MICAL3: variants seen among roughly 807,000 people sequenced by gnomAD.
The protein encoded by MICAL3 is microtubule associated monooxygenase, calponin and LIM domain containing 3, also known as [F-actin]-monooxygenase MICAL3.
MICAL3 carries 62 observed loss-of-function variants against 207.4 expected under a neutral mutation model. The observed-to-expected ratio is 0.30, with a 90% CI of 0.24 to 0.37. MICAL3 has a LOEUF of 0.37. MICAL3 is among the 10% of genes least tolerant of loss of function. MICAL3 has a pLI of 1.00. For missense variants in MICAL3, 2,368 were observed against 2,635.6 expected, an observed-to-expected ratio of 0.90 and a Z score of 2.22; for synonymous variants, 1,077 against 1,069.3, an observed-to-expected ratio of 1.01 and a Z score of -0.14.
chr22:17,866,128 C>T, intron 17 of MICAL3, 116 bp from the exon 18 acceptor site: 1 of 765,180 alleles, frequency 1.3e-6, no homozygotes, highest in South Asian at 1.5e-5. Flanking sequence ...GCCATCAAGC[C>T]ACCCAGCCTT....
intron 16 of MICAL3, among the ~76,000 whole-genome samples, chr22:17,877,762 T>G (rs543895488): frequency 2.6e-5 from 4 of 152,176 alleles, no homozygotes; most frequent in Non-Finnish European, 4.4e-5. Context: ...AAACCCTAAC[T>G]CATCCCCTCT....
Position 17,965,985 on chromosome 22 carries a change from C to T in MICAL3, c.-75+58296G>A, listed in dbSNP as rs563545193. Among the ~76,000 whole-genome samples, 5 of 152,276 alleles carry T rather than the reference C, an allele frequency of 3.3e-5. No individual in the cohort carries two copies. In the South Asian group the frequency reaches 6.2e-4, roughly 19 times the overall value. ...TCCATGTAGACAGCTGTTCCCAGGA[C>T]CAGAAGAAATAATACTGGGCCACAG... On this transcript the variant is annotated intron_variant, in intron 1 of 31. Transcript: ENST00000441493.
chr22:17,926,338 GA>G (rs564782517), intron 1 of MICAL3, among the ~76,000 whole-genome samples: 16 of 152,296 alleles, frequency 1.1e-4, no homozygotes, highest in African/African-American at 3.1e-4. Flanking sequence ...TAGAGTAACC[GA>G]AAAGCAAACC....
intron 19 of MICAL3, among the ~76,000 whole-genome samples, chr22:17,852,927 T>G (rs530970872): frequency 6.6e-6 from 1 of 152,044 alleles, no homozygotes; most frequent in South Asian, 2.1e-4. Flanking sequence ...ATATAAAAAT[T>G]AGCCGGGCGT....
intron 16 of MICAL3, among the ~76,000 whole-genome samples, chr22:17,883,574 A>G (rs1929616115): frequency 6.6e-6 from 1 of 152,200 alleles, no homozygotes; most frequent in African/African-American, 2.4e-5. Context: ...ACTCGAGAGC[A>G]GGGACTTGCT....
chr22:17,795,250 C>A (rs1025616815), intron 29 of MICAL3, among the ~76,000 whole-genome samples: 1 of 152,240 alleles, frequency 6.6e-6, no homozygotes, highest in Admixed American at 6.5e-5. Flanking sequence ...ATACACTCTG[C>A]CTTACAGCCG....
chr22:17,810,361 C>T (rs1290079024), intron 28 of MICAL3, among the ~76,000 whole-genome samples: 4 of 152,130 alleles, frequency 2.6e-5, no homozygotes, highest in Non-Finnish European at 5.9e-5. Context: ...CCGCACCCAG[C>T]CAATTTTTGT....
rs1431230282 is a variant in MICAL3, at chr22:17,935,930, A to G, written c.-74-29044T>C. 6.6e-5 allele frequency among the ~76,000 whole-genome samples: 10 copies of G among 152,280 alleles called. No homozygotes were observed. In the East Asian group the frequency reaches 1.9e-3, roughly 29 times the overall value. ...TCATTAAAAAGTCAGGAAACAATAG[A>G]TGCTGGAGAGGATGTGGAGAAATAG... On this transcript the variant is annotated intron_variant, in intron 1 of 31. Transcript: ENST00000441493.
intron 1 of MICAL3, among the ~76,000 whole-genome samples, chr22:18,007,866 T>C (rs1236923856): frequency 4.0e-5 from 5 of 125,624 alleles, no homozygotes; most frequent in Non-Finnish European, 6.3e-5. Flanking sequence ...GAGCTTGCAG[T>C]GAGCCGAGAT....
intron 20 of MICAL3, among the ~76,000 whole-genome samples, chr22:17,836,342 G>C (rs573581705): frequency 1.6e-4 from 25 of 152,334 alleles, no homozygotes; most frequent in Admixed American, 1.6e-3. Flanking sequence ...TCTAGGTCAC[G>C]GGGCTGCGCT....
chr22:17,947,087 C>T (rs1230479830), intron 1 of MICAL3, among the ~76,000 whole-genome samples: 1 of 152,230 alleles, frequency 6.6e-6, no homozygotes, highest in Admixed American at 6.5e-5. Context: ...AAACGCAGCA[C>T]ATCAAATATC....
At chr22:17,972,564 C>T (rs1300565128) in intron 1 of MICAL3, among the ~76,000 whole-genome samples, 1 of 152,140 alleles carries the variant, frequency 6.6e-6, no homozygotes. Context: ...GGGCAGCTCA[C>T]CCCCATCTTC....
chr22:17,975,377 A>AG (rs1935587862), intron 1 of MICAL3, among the ~76,000 whole-genome samples: 1 of 152,082 alleles, frequency 6.6e-6, no homozygotes, highest in South Asian at 2.1e-4. Flanking sequence ...TTAAAAAAAA[A>AG]TCTCATACCC....
chr22:18,018,425 A>G (rs2146514238), intron 1 of MICAL3, among the ~76,000 whole-genome samples: 1 of 152,334 alleles, frequency 6.6e-6, no homozygotes, highest in East Asian at 1.9e-4. Flanking sequence ...TGTACACAAC[A>G]AAAATATACA....
rs1296245792 is a variant in MICAL3, at chr22:17,796,835, C to T, written c.5651-5534G>A. On this transcript the variant is annotated intron_variant, in intron 29 of 31. Transcript: ENST00000441493. This position sits in a 1 kb window ranked among gnomAD's most constrained non-coding sequence, Gnocchi z 4.4. ...GTACCCCCTACACTACCACCTGGCC[C>T]TTGGCGCACCCGAGCACCTCACTCC... Among the ~76,000 whole-genome samples, 1 of 152,230 alleles carries T rather than the reference C, an allele frequency of 6.6e-6. No homozygotes were observed. Among genetic ancestry groups the T allele is most frequent in the Non-Finnish European group, 1.5e-5 (1 of 68,046 alleles).
At chr22:17,849,787 C>T (rs190010015) in intron 19 of MICAL3, among the ~76,000 whole-genome samples, 1 of 146,924 alleles carries the variant, frequency 6.8e-6, no homozygotes, top group East Asian at 2.0e-4. Flanking sequence ...CTCCATCTAC[C>T]AGGTACAAGC....
At chr22:17,891,914 C>T (rs1930424188) in intron 11 of MICAL3, among the ~76,000 whole-genome samples, 1 of 152,234 alleles carries the variant, frequency 6.6e-6, no homozygotes, top group Admixed American at 6.5e-5. Context: ...CCACAACCTG[C>T]TGTCCCCACG....
Position 17,920,555 on chromosome 22 carries a change from C to T in MICAL3, c.-74-13669G>A, listed in dbSNP as rs114113530. Among the ~76,000 whole-genome samples, 1,337 of 152,278 alleles carry T rather than the reference C, an allele frequency of 8.8e-3. 20 individuals are homozygous for T. Among genetic ancestry groups the T allele is most frequent in the African/African-American group, 0.03 (1,235 of 41,550 alleles). On this transcript the variant is annotated intron_variant, in intron 1 of 31. Coordinates refer to ENST00000441493, the MANE Select transcript of MICAL3 (RefSeq NM_015241.3). ...TCCCCTGGCTGTGCTCTGTCTCCTG[C>T]TTCTGCCCACTCTCCACACCGGCCT...
intron 15 of MICAL3, 34 bp from the exon 16 acceptor site, chr22:17,886,085 GT>G: frequency 6.2e-7 from 1 of 1,609,236 alleles, no homozygotes; most frequent in Non-Finnish European, 8.5e-7. Context: ...ACCCGGCGCT[GT>G]GACAGGAGGC....
Sources: gnomAD v4.1 joint callset for allele counts (sites outside exome capture counted in the v4.1 genomes callset) on GRCh38, gnomAD v4.1.1 for gene constraint, Gnocchi (gnomAD v3.1) non-coding constraint, MANE v1.5 for transcripts, NCBI Gene and HGNC (gene_info 2026-07-23, HGNC 2026-07-21) for gene names.